FAM110A: variants seen among roughly 807,000 people sequenced by gnomAD.
FAM110A encodes protein FAM110A.
Under a neutral mutation model 4.0 loss-of-function variants are expected in FAM110A, and 1 was observed. That is an observed-to-expected ratio of 0.25 (90% CI 0.09 to 1.20). The LOEUF (loss-of-function observed/expected upper bound fraction) is 1.20, where lower values mean the gene tolerates loss of function less well. Among genes scored for constraint, FAM110A ranks in the 50% most tolerant of loss-of-function variants. The pLI, the probability that FAM110A is intolerant of heterozygous loss-of-function variation, is 0.50. For synonymous variants in FAM110A, 217 were observed against 196.8 expected, an observed-to-expected ratio of 1.10 and a Z score of -0.86; for missense variants, 436 against 429.2, an observed-to-expected ratio of 1.02 and a Z score of -0.14.
At chr20:839,172 C>G (rs559359721) in intron 1 of FAM110A, among the ~76,000 whole-genome samples, 7 of 152,232 alleles carry the variant, frequency 4.6e-5, no homozygotes, top group African/African-American at 1.7e-4. Flanking sequence ...CTTCCACCTC[C>G]CCTCCCCAGA....
chr20:844,488 G>A (rs936855745), intron 1 of FAM110A, among the ~76,000 whole-genome samples: 1 of 151,804 alleles, frequency 6.6e-6, no homozygotes, highest in African/African-American at 2.4e-5. Flanking sequence ...TTCCTCTCTT[G>A]GTCTCAGCTG....
In FAM110A at chr20:845,205, G is replaced by A; in HGVS notation, c.401G>A (p.Gly134Asp). ...SRTPGRAEGA[G>D]RPPPATPPRP... ...ACTCCTGGACGGGCCGAGGGAGCCG[G>A]CCGTCCTCCCCCAGCCACCCCTCCG... Residue 134 changes from glycine (G) to aspartate (D), a missense_variant, in exon 2 of 2, where the codon GGC becomes GAC. Transcript: ENST00000381941. 1.9e-6 allele frequency: 3 copies of A among 1,553,890 alleles called. No homozygotes were observed. Among genetic ancestry groups the A allele is most frequent in the Non-Finnish European group, 2.6e-6 (3 of 1,154,186 alleles).
chr20:845,795 C>T lies in FAM110A; in HGVS notation c.*103C>T. 1 of 1,521,838 alleles carries T rather than the reference C, an allele frequency of 6.6e-7. No homozygotes were observed. The highest frequency in any genetic ancestry group is 1.3e-5 in the South Asian group (1 of 77,184). 94.3% of individuals were successfully genotyped at this position (1,521,838 alleles called of 1,614,324 possible). On this transcript the variant is annotated 3_prime_UTR_variant, in exon 2 of 2. Transcript: ENST00000381941. ...CTCTAGACGGCCGTGTCAGAGGCTC[C>T]ACCCTGTTGTGAACTTGGTATGGAG...
At chr20:843,635 G>A (rs1172739673) in intron 1 of FAM110A, among the ~76,000 whole-genome samples, 1 of 152,172 alleles carries the variant, frequency 6.6e-6, no homozygotes, top group Non-Finnish European at 1.5e-5. Context: ...AGATGAGAAT[G>A]TTTGGGACTT....
At position 844,828 on chromosome 20, in the gene FAM110A, C is replaced by G. The variant is rs1316698543; in HGVS notation, c.24C>G (p.Pro8=). 1.3e-6 allele frequency: 2 copies of G among 1,510,492 alleles called. No individual in the cohort carries two copies. The highest frequency in any genetic ancestry group is 4.9e-5 in the East Asian group (2 of 40,592). The allele number at this position is 1,510,492 out of a possible 1,614,324, so 93.6% of individuals were successfully genotyped here. A position where few individuals can be genotyped will look rare whatever the true frequency, so the allele number is the denominator to read the frequency against. ...CCATGCCTGTGCACACGCTGAGCCC[C>G]GGAGCCCCGTCCGCCCCCGCCCTAC... MPVHTLS[P]GAPSAPALPC... Residue 8 remains proline, a synonymous_variant, in exon 2 of 2, where the codon CCC becomes CCG. Transcript: ENST00000381941.
intron 1 of FAM110A, among the ~76,000 whole-genome samples, chr20:843,276 C>T (rs1416338099): frequency 6.6e-6 from 1 of 152,030 alleles, no homozygotes; most frequent in African/African-American, 2.4e-5. Flanking sequence ...GGATGGCACC[C>T]AGCAGAGATC....
intron 1 of FAM110A, among the ~76,000 whole-genome samples, chr20:842,110 G>C (rs1355735620): frequency 3.3e-5 from 5 of 152,266 alleles, no homozygotes; most frequent in Admixed American, 3.3e-4. Context: ...GCTCAGGAAG[G>C]TCTATTTTTA....
At chr20:837,469 A>G (rs6055237) in intron 1 of FAM110A, among the ~76,000 whole-genome samples, 1 of 152,150 alleles carries the variant, frequency 6.6e-6, no homozygotes, top group African/African-American at 2.4e-5. Context: ...TGGATGATCT[A>G]TTTGGTTGAA....
At chr20:837,083 C>T (rs1453860937) in intron 1 of FAM110A, among the ~76,000 whole-genome samples, 1 of 114,002 alleles carries the variant, frequency 8.8e-6, no homozygotes, top group African/African-American at 3.4e-5. Flanking sequence ...ACAAGAGTTT[C>T]GCTCTGTCGC....
rs182862600 is a variant in FAM110A, at chr20:840,524, G to A, written c.-97-4184G>A. On this transcript the variant is annotated intron_variant, in intron 1 of 1. Coordinates refer to ENST00000381941, the MANE Select transcript of FAM110A (RefSeq NM_001042353.3). The surrounding 1 kb of genome is among the most constrained non-coding windows in gnomAD (Gnocchi z 4.4). The stretch of plus-strand genomic sequence containing the variant: ...TGCAGTCTCATGGGATTAAATGAGG[G>A]GGCTCTGGGGATTTAAATGAGTATG... Among the ~76,000 whole-genome samples the A allele has an allele frequency of 6.6e-6, 1 of 152,230 alleles. No individual in the cohort carries two copies.
In FAM110A at chr20:845,664, C is replaced by A. The variant is rs753042458; in HGVS notation, c.860C>A (p.Ala287Asp). The change falls in exon 2 of 2, where the codon GCT (alanine) becomes GAT (aspartate). Residue 287 changes from alanine to aspartate, a missense_variant. Physicochemically the swap from Ala to Asp is moderately radical, Grantham distance 126 (BLOSUM62 -2). Coordinates refer to ENST00000381941, the MANE Select transcript of FAM110A (RefSeq NM_001042353.3). ...AAGTGGTTGTATGGGCTAAGGCAGG[C>A]TCGGGAGAGCCCAGCAGCTGAAGGC... Reference protein sequence around the residue: ...VIKWLYGLRQARESPAAEG With the variant: ...VIKWLYGLRQDRESPAAEG The A allele has an allele frequency of 6.2e-7, 1 of 1,614,104 alleles. No individual in the cohort carries two copies. The highest frequency in any genetic ancestry group is 1.1e-5 in the South Asian group (1 of 91,088).
chr20:839,521 C>A (rs1404718861), intron 1 of FAM110A: 1 of 1,028,048 alleles, frequency 9.7e-7, no homozygotes. Flanking sequence ...CCAGCCCCAG[C>A]CTCGGCTTTC....
At position 834,188 on chromosome 20, in the gene FAM110A, C is replaced by A. The variant is rs1022235039; in HGVS notation, c.-98+237C>A. Reference sequence around the variant, plus strand: ...TCACATCTGGACTTGCCTTGAGAGGCCCAGACGGGCAACTGGTAGTCATTT... The same window carrying A: ...TCACATCTGGACTTGCCTTGAGAGGACCAGACGGGCAACTGGTAGTCATTT... On this transcript the variant is annotated intron_variant, in intron 1 of 1. Coordinates refer to ENST00000381941, the MANE Select transcript of FAM110A (RefSeq NM_001042353.3). This position sits in a 1 kb window ranked among gnomAD's most constrained non-coding sequence, Gnocchi z 5.6. 6.6e-6 allele frequency among the ~76,000 whole-genome samples: 1 copy of A among 152,204 alleles called. No homozygotes were observed. The highest frequency in any genetic ancestry group is 2.4e-5 in the African/African-American group (1 of 41,444).
intron 1 of FAM110A, among the ~76,000 whole-genome samples, chr20:841,898 G>A (rs1161089921): frequency 1.3e-5 from 2 of 152,210 alleles, no homozygotes; most frequent in Non-Finnish European, 2.9e-5. Flanking sequence ...CCTCTGTCTT[G>A]GGCCTGCTTT....
Position 844,964 on chromosome 20 carries a change from G to A in FAM110A, c.160G>A (p.Val54Ile), listed in dbSNP as rs139752871. 183 of 1,595,246 alleles carry A rather than the reference G, an allele frequency of 1.1e-4. No individual in the cohort carries two copies. Among genetic ancestry groups the A allele is most frequent in the Middle Eastern group, 4.9e-4 (3 of 6,062 alleles). The change falls in exon 2 of 2, where the codon GTC (valine) becomes ATC (isoleucine). Residue 54 changes from valine (V) to isoleucine (I), a missense_variant. Transcript: ENST00000381941. ...ERLEADKAKY[V>I]KSLHVANTRQ... is the part of the protein sequence containing the mutation. Reference sequence around the variant, plus strand: ...CCTGGAGGCCGACAAGGCCAAGTACGTCAAGAGCCTGCACGTGGCCAACAC... The same window carrying A: ...CCTGGAGGCCGACAAGGCCAAGTACATCAAGAGCCTGCACGTGGCCAACAC...
chr20:838,900 G>A (rs1213088762), intron 1 of FAM110A, among the ~76,000 whole-genome samples: 2 of 150,874 alleles, frequency 1.3e-5, no homozygotes, highest in African/African-American at 4.9e-5. Context: ...GCTCACTGCA[G>A]GGAGCTTGGA....
rs1351089116 is a variant in FAM110A at position 841,529 on chromosome 20, C to T, written c.-97-3179C>T. On this transcript the variant is annotated intron_variant, in intron 1 of 1. Transcript: ENST00000381941. ...CCCTGCTAGCCGACCCCCCATCCCC[C>T]GCCACCGGGAGTCCTCAAGCTTTTC... 2.0e-5 allele frequency among the ~76,000 whole-genome samples: 3 copies of T among 152,288 alleles called. No individual in the cohort carries two copies. In the East Asian group the frequency reaches 5.8e-4, roughly 30 times the overall value.
intron 1 of FAM110A, among the ~76,000 whole-genome samples, chr20:837,263 G>A (rs1269793105): frequency 6.6e-6 from 1 of 152,056 alleles, no homozygotes; most frequent in Non-Finnish European, 1.5e-5. Flanking sequence ...ATCTTGGCCA[G>A]TCTGGTCTTG....
intron 1 of FAM110A, 103 bp from the exon 2 acceptor site, chr20:844,605 C>T (rs1980142509): frequency 2.5e-6 from 2 of 795,846 alleles, no homozygotes; most frequent in Non-Finnish European, 3.5e-6. Flanking sequence ...GGCGTGGTCT[C>T]TACCTTATAA....
Sources: gnomAD v4.1 joint callset for allele counts (sites outside exome capture counted in the v4.1 genomes callset) on GRCh38, gnomAD v4.1.1 for gene constraint, Gnocchi (gnomAD v3.1) non-coding constraint, MANE v1.5 for transcripts, NCBI Gene and HGNC (gene_info 2026-07-23, HGNC 2026-07-21) for gene names.